Variants in LMF1 observed in about 807,000 individuals in gnomAD.
The protein encoded by LMF1 is transmembrane protein 112.
Under a neutral mutation model 60.6 loss-of-function variants are expected in LMF1, and 68 were observed. That is an observed-to-expected ratio of 1.12 (90% confidence interval 0.92 to 1.37). The LOEUF is 1.37. LMF1 is among the 40% of genes most tolerant of loss of function. The probability of loss-of-function intolerance (pLI) is 0.00; values close to 1 mark genes in which losing one functional copy is unlikely to be tolerated. For missense variants in LMF1, 948 were observed against 767.2 expected (o/e 1.24, Z -2.78); for synonymous variants, 418 against 324.7 (o/e 1.29, Z -3.09).
At chr16:966,633 G>A (rs557835473) in intron 1 of LMF1, among the ~76,000 whole-genome samples, 10 of 152,318 alleles carry the variant, frequency 6.6e-5, no homozygotes, top group Admixed American at 4.6e-4. Flanking sequence ...GGCTGCCTGC[G>A]AGCCGTCTCC....
chr16:923,230 C>CAG (rs111936657), intron 3 of LMF1, among the ~76,000 whole-genome samples: 14,967 of 145,262 alleles, frequency 0.1, 1,195 homozygotes, highest in Non-Finnish European at 0.14. Context: ...CATGGCAAAA[C>CAG]AGCAGGGGCA....
At chr16:977,011 G>A in intron 1 of LMF1, 1 of 454,238 alleles carries the variant, frequency 2.2e-6, no homozygotes, top group South Asian at 1.6e-5. Context: ...GCATCAGGAG[G>A]ACCAGGAGGA....
Position 970,921 on chromosome 16 carries a change from A to C in LMF1, c.60T>G (p.Thr20=), listed in dbSNP as rs1216456142. Residue 20 remains threonine, a synonymous_variant, in exon 1 of 11, where the codon ACT becomes ACG. Transcript: ENST00000262301. ...ACTCAGGCTCCGGATCCGAGTACCC[A>C]GTCTTCCGCCTCCTCAGCGACTCCG... The part of the protein sequence containing the change: ...APAESLRRRK[T]GYSDPEPESP... 6.3e-7 allele frequency: 1 copy of C among 1,576,720 alleles called. No individual in the cohort carries two copies. The highest frequency in any genetic ancestry group is 8.6e-7 in the Non-Finnish European group (1 of 1,161,036).
intron 3 of LMF1, among the ~76,000 whole-genome samples, chr16:918,278 C>G (rs528750089): frequency 1.3e-5 from 2 of 152,174 alleles, no homozygotes; most frequent in Non-Finnish European, 2.9e-5. Context: ...GCGGCTTGTT[C>G]GTACTTGGTT....
chr16:857,249 G>C (rs1381960341), intron 10 of LMF1, among the ~76,000 whole-genome samples: 2 of 152,252 alleles, frequency 1.3e-5, no homozygotes, highest in Non-Finnish European at 2.9e-5. Flanking sequence ...GTGAACCTGG[G>C]TTTCAACTCT....
At chr16:972,782 T>C (rs1172914847), upstream of LMF1, among the ~76,000 whole-genome samples, 3 of 152,232 alleles carry the variant, frequency 2.0e-5, no homozygotes, top group Non-Finnish European at 4.4e-5. Flanking sequence ...TTGTTCCAGC[T>C]TCCAGCGCTC....
At position 874,431 on chromosome 16, in the gene LMF1, T is replaced by G. The variant is rs1366814496; in HGVS notation, c.898-3090A>C. 6.6e-6 allele frequency among the ~76,000 whole-genome samples: 1 copy of G among 152,072 alleles called. No homozygotes were observed. Among genetic ancestry groups the G allele is most frequent in the Non-Finnish European group, 1.5e-5 (1 of 68,000 alleles). ...CAGACCTGAGCTCACCCCCTGCCCC[T>G]CCCGCCCTGGCAGTCCGGGGCTGCG... On this transcript the variant is annotated intron_variant, in intron 6 of 10. Coordinates refer to ENST00000262301, the MANE Select transcript of LMF1 (RefSeq NM_022773.4). The surrounding 1 kb of genome is among the most constrained non-coding windows in gnomAD (Gnocchi z 4.1).
In LMF1 at chr16:970,828, C is replaced by T; in HGVS notation, c.153G>A (p.Leu51=). The T allele has an allele frequency of 6.5e-7, 1 of 1,547,860 alleles. No homozygotes were observed. Among genetic ancestry groups the T allele is most frequent in the South Asian group, 1.2e-5 (1 of 83,200 alleles). Residue 51 remains leucine, a synonymous_variant, in exon 1 of 11, where the codon CTG becomes CTA. Coordinates refer to ENST00000262301, the MANE Select transcript of LMF1 (RefSeq NM_022773.4). ...PAHLHTGTFW[L]TRIVLLKALA... is the part of the protein sequence containing the mutation. ...GGGCCTTCAGGAGCACGATCCGGGTCAGCCAGAAGGTGCCCGTGTGGAGAT... is the reference window on the plus strand; with the variant it reads ...GGGCCTTCAGGAGCACGATCCGGGTTAGCCAGAAGGTGCCCGTGTGGAGAT...
In LMF1 at chr16:856,610, C is replaced by T. The variant is rs60425595; in HGVS notation, c.1530-1904G>A. On this transcript the variant is annotated intron_variant, in intron 10 of 10. Transcript: ENST00000262301. ...GGACAGGGTCAAGGCCTAGGGGGCC[C>T]AGGGCCTGGTCTCTGACATCAAGAG... is the stretch of plus-strand genomic sequence containing the variant. Among the ~76,000 whole-genome samples, 416 of 152,340 alleles carry T rather than the reference C, an allele frequency of 2.7e-3. 2 individuals are homozygous for T. The highest frequency in any genetic ancestry group is 9.5e-3 in the African/African-American group (396 of 41,570).
rs2072403007 is a variant in LMF1, at chr16:950,106, CAG to C, written c.503+4249_503+4250del. ...ACAACGACAGAGTCAGAGCCAACGA[CAG>C]AGTCAGAGACGAAAGACTCAGAGCC... On this transcript the variant is annotated intron_variant, in intron 2 of 10. Coordinates refer to ENST00000262301, the MANE Select transcript of LMF1 (RefSeq NM_022773.4). Among the ~76,000 whole-genome samples the C allele has an allele frequency of 2.1e-5, 2 of 97,184 alleles. 1 individual carries two copies. The highest frequency in any genetic ancestry group is 9.0e-4 in the South Asian group (2 of 2,222). 63.8% of individuals were successfully genotyped at this position (97,184 alleles called of 152,430 possible). A position where few individuals can be genotyped will look rare whatever the true frequency, so the allele number is the denominator to read the frequency against.
chr16:960,094 C>T (rs534467583), intron 1 of LMF1, among the ~76,000 whole-genome samples: 1 of 152,330 alleles, frequency 6.6e-6, no homozygotes, highest in Admixed American at 6.5e-5. Flanking sequence ...CCTCCCAGTG[C>T]CCAGACTGAA....
chr16:886,304 C>T (rs1165755221), intron 5 of LMF1, among the ~76,000 whole-genome samples: 1 of 152,146 alleles, frequency 6.6e-6, no homozygotes, highest in Non-Finnish European at 1.5e-5. Context: ...GCACTGCTGA[C>T]CTTGAGGCGC....
At chr16:967,888 A>T (rs2072958255) in intron 1 of LMF1, among the ~76,000 whole-genome samples, 1 of 152,210 alleles carries the variant, frequency 6.6e-6, no homozygotes, top group South Asian at 2.1e-4. Flanking sequence ...GGAGGTCAGC[A>T]CCGGGCAGGG....
At chr16:876,899 CAA>C (rs2070003158) in intron 6 of LMF1, among the ~76,000 whole-genome samples, 1 of 152,108 alleles carries the variant, frequency 6.6e-6, no homozygotes, top group African/African-American at 2.4e-5. Flanking sequence ...ATACAAAGAA[CAA>C]AGAGAAAAAC....
intron 9 of LMF1, chr16:869,330 GCCTC>G (rs1445324090): frequency 1.5e-6 from 1 of 658,236 alleles, no homozygotes; most frequent in Admixed American, 2.1e-5. Context: ...TCTGGGCCTT[GCCTC>G]CCTGAGGCTC....
rs889553144 is a variant in LMF1, at chr16:878,085, C to T, written c.897+1485G>A. On this transcript the variant is annotated intron_variant, in intron 6 of 10. Transcript: ENST00000262301. The surrounding 1 kb of genome is among the most constrained non-coding windows in gnomAD (Gnocchi z 5.2). ...TGAAGCTATTCCAGGAGCCCCCAGACGCGCGTGGGGTCCAGCCACATGGAA... is the reference window on the plus strand; with the variant it reads ...TGAAGCTATTCCAGGAGCCCCCAGATGCGCGTGGGGTCCAGCCACATGGAA... Among the ~76,000 whole-genome samples the T allele has an allele frequency of 7.9e-5, 12 of 151,590 alleles. No individual in the cohort carries two copies. Among genetic ancestry groups the T allele is most frequent in the African/African-American group, 1.5e-4 (6 of 41,208 alleles).
At chr16:914,988 A>T (rs956621150) in intron 3 of LMF1, among the ~76,000 whole-genome samples, 1 of 152,010 alleles carries the variant, frequency 6.6e-6, no homozygotes, top group Non-Finnish European at 1.5e-5. Context: ...GTCTCTAAGG[A>T]CTCCGGCCTC....
At chr16:857,345 A>G (rs1437906307) in intron 10 of LMF1, among the ~76,000 whole-genome samples, 1 of 152,214 alleles carries the variant, frequency 6.6e-6, no homozygotes, top group South Asian at 2.1e-4. Context: ...CCTCCCAGCA[A>G]CAGCCGAGTG....
intron 2 of LMF1, among the ~76,000 whole-genome samples, chr16:939,769 G>T (rs955132298): frequency 3.9e-5 from 6 of 152,218 alleles, no homozygotes; most frequent in African/African-American, 1.4e-4. Flanking sequence ...ATAAGGACCA[G>T]GTAATGAAAA....
Sources: gnomAD v4.1 joint callset for allele counts (sites outside exome capture counted in the v4.1 genomes callset) on GRCh38, gnomAD v4.1.1 for gene constraint, Gnocchi (gnomAD v3.1) non-coding constraint, MANE v1.5 for transcripts, NCBI Gene and HGNC (gene_info 2026-07-23, HGNC 2026-07-21) for gene names.